Variants in TSPAN14 observed in about 807,000 individuals in gnomAD.
The protein encoded by TSPAN14 is tetraspanin 14.
A neutral mutation model predicts 36.6 loss-of-function variants in TSPAN14; 16 were observed. The ratio of observed to expected loss-of-function variants is 0.44; its 90% confidence interval spans 0.30 to 0.66. The LOEUF is 0.66. Among genes scored for constraint, TSPAN14 ranks in the 30% least tolerant of loss-of-function variants. TSPAN14 has a pLI of 0.12. For missense variants in TSPAN14, 231 were observed against 355.1 expected, an observed-to-expected ratio of 0.65 and a Z score of 2.81; for synonymous variants, 139 against 143.8, an observed-to-expected ratio of 0.97 and a Z score of 0.24.
exon 9 of TSPAN14, chr10:80,518,079 CCAGT>C: frequency 8.5e-7 from 1 of 1,179,288 alleles, no homozygotes; most frequent in Non-Finnish European, 1.2e-6. Context: ...ACCCCCAGAG[CCAGT>C]GCCCCATCTT....
In TSPAN14 at chr10:80,502,452, C is replaced by T. The variant is rs896828643; in HGVS notation, c.82-2276C>T. Among the ~76,000 whole-genome samples the T allele has an allele frequency of 3.9e-5, 6 of 152,056 alleles. No individual in the cohort carries two copies. The South Asian group carries it at 6.2e-4, about 16-fold the overall frequency. On this transcript the variant is annotated intron_variant, in intron 2 of 8. Coordinates refer to ENST00000429989, the Ensembl canonical transcript of TSPAN14. ...GGATCCAGACTCGAGTGGGTGGAGCCGGGGCAGGTGGGAGCAGAGACACTG... is the reference window on the plus strand; with the variant it reads ...GGATCCAGACTCGAGTGGGTGGAGCTGGGGCAGGTGGGAGCAGAGACACTG...
chr10:80,504,590 C>A, intron 2 of TSPAN14, 138 bp from the exon 3 acceptor site: 1 of 920,262 alleles, frequency 1.1e-6, no homozygotes. Context: ...TATCTGTCAT[C>A]TGCGGGGCCT....
chr10:80,495,150 A>C (rs1848129895), intron 2 of TSPAN14, among the ~76,000 whole-genome samples: 1 of 152,160 alleles, frequency 6.6e-6, no homozygotes, highest in African/African-American at 2.4e-5. Context: ...TGCAGTGATT[A>C]GTTTATGTAA....
At chr10:80,469,063 G>A (rs1292571011) in intron 1 of TSPAN14, among the ~76,000 whole-genome samples, 2 of 152,048 alleles carry the variant, frequency 1.3e-5, no homozygotes, top group Non-Finnish European at 2.9e-5. Context: ...GTTATTCCTC[G>A]GTGCCGGGGA....
At chr10:80,481,845 C>T (rs1847295424) in intron 1 of TSPAN14, among the ~76,000 whole-genome samples, 1 of 152,050 alleles carries the variant, frequency 6.6e-6, no homozygotes, top group African/African-American at 2.4e-5. Flanking sequence ...GCTCTGCCTC[C>T]TGGGTTCATG....
chr10:80,519,051 C>A (rs938120925), exon 9 of TSPAN14: 1 of 152,872 alleles, frequency 6.5e-6, no homozygotes, highest in Non-Finnish European at 1.5e-5. Context: ...CCTGACCCTC[C>A]CCACTGCAAG....
chr10:80,519,572 G>A (rs1003276464), exon 9 of TSPAN14: 4 of 148,722 alleles, frequency 2.7e-5, no homozygotes, highest in African/African-American at 1.0e-4. Flanking sequence ...GTGTTTTTCG[G>A]AAGTGTGATG....
At chr10:80,517,821 G>A in intron 8 of TSPAN14, 84 bp from the exon 9 acceptor site, 1 of 1,354,150 alleles carries the variant, frequency 7.4e-7, no homozygotes, top group Non-Finnish European at 1.0e-6. Flanking sequence ...CGTGCAGTGG[G>A]AGCTCCCAAC....
At chr10:80,498,611 A>G (rs1848325749) in intron 2 of TSPAN14, among the ~76,000 whole-genome samples, 1 of 152,224 alleles carries the variant, frequency 6.6e-6, no homozygotes. Context: ...GGTGGGGTAC[A>G]GAACACCAGT....
chr10:80,488,951 G>A (rs937139980), intron 1 of TSPAN14, among the ~76,000 whole-genome samples: 31 of 152,206 alleles, frequency 2.0e-4, no homozygotes, highest in African/African-American at 6.5e-4. Context: ...GCTCCAAGCC[G>A]AATTTCTGGT....
intron 2 of TSPAN14, among the ~76,000 whole-genome samples, chr10:80,494,836 G>C (rs1848106939): frequency 6.6e-6 from 1 of 151,942 alleles, no homozygotes; most frequent in South Asian, 2.1e-4. Flanking sequence ...TTCTCTTCAG[G>C]TAGTATTTAA....
exon 9 of TSPAN14, chr10:80,519,514 A>AATTT (rs1841136582): frequency 6.8e-6 from 1 of 146,686 alleles, no homozygotes; most frequent in Admixed American, 6.7e-5. Context: ...GTTGATGATG[A>AATTT]TTTTTTTTTT....
At chr10:80,521,107 C>T (rs1841246256) in exon 9 of TSPAN14, 1 of 302,926 alleles carries the variant, frequency 3.3e-6, no homozygotes, top group East Asian at 9.0e-5. Context: ...TGGGAGATTC[C>T]ATGCAGAGGC....
At chr10:80,512,536 CT>C (rs1840715852) in intron 6 of TSPAN14, among the ~76,000 whole-genome samples, 1 of 152,232 alleles carries the variant, frequency 6.6e-6, no homozygotes, top group Non-Finnish European at 1.5e-5. Context: ...AGGGCTGTCA[CT>C]TGCAGCTGGC....
intron 1 of TSPAN14, among the ~76,000 whole-genome samples, chr10:80,460,132 A>G (rs1004300150): frequency 1.2e-4 from 18 of 152,208 alleles, no homozygotes; most frequent in African/African-American, 4.3e-4. Flanking sequence ...ATTTTGCAGT[A>G]GAGGGGAGAG....
At chr10:80,482,087 A>C (rs1439964591) in intron 1 of TSPAN14, among the ~76,000 whole-genome samples, 3 of 152,180 alleles carry the variant, frequency 2.0e-5, no homozygotes, top group African/African-American at 7.2e-5. Context: ...ATTTGGGTGT[A>C]AACATCAAGA....
intron 2 of TSPAN14, among the ~76,000 whole-genome samples, chr10:80,503,865 G>A (rs1183383263): frequency 1.3e-5 from 2 of 152,100 alleles, no homozygotes; most frequent in African/African-American, 2.4e-5. Context: ...CCAGTGTGGT[G>A]TAAAGTAGTC....
intron 1 of TSPAN14, among the ~76,000 whole-genome samples, chr10:80,472,300 A>G (rs1200512207): frequency 6.6e-6 from 1 of 151,912 alleles, no homozygotes; most frequent in Non-Finnish European, 1.5e-5. Context: ...TTGTTTCCTC[A>G]TGGTTAGCTG....
At position 80,520,608 on chromosome 10, in the gene TSPAN14, A is replaced by G. The variant is rs181597650; in HGVS notation, c.*2632A>G. On this transcript the variant is annotated 3_prime_UTR_variant, in exon 9 of 9. Transcript: ENST00000429989. ...CAACCCTGGTCCACCCCCTCTCAGGATCTTGTCAACGTTATTTTTCCTGTC... is the reference window on the plus strand; with the variant it reads ...CAACCCTGGTCCACCCCCTCTCAGGGTCTTGTCAACGTTATTTTTCCTGTC... The G allele has an allele frequency of 9.5e-4, 504 of 532,806 alleles. 2 individuals carry two copies. The highest frequency in any genetic ancestry group is 9.2e-3 in the African/African-American group (479 of 51,836). The allele number at this position is 532,806 out of a possible 1,614,324, so 33.0% of individuals were successfully genotyped here. A position where few individuals can be genotyped will look rare whatever the true frequency, so the allele number is the denominator to read the frequency against.
Sources: allele counts gnomAD v4.1 joint callset (sites outside exome capture counted in the v4.1 genomes callset), GRCh38; gene constraint gnomAD v4.1.1; transcripts MANE v1.5; gene names NCBI Gene and HGNC (gene_info 2026-07-23, HGNC 2026-07-21).